Variants in NR2C1 observed in about 807,000 individuals in gnomAD.
The protein encoded by NR2C1 is TR2 nuclear hormone receptor.
A neutral mutation model predicts 74.8 loss-of-function variants in NR2C1; 33 were observed. The ratio of observed to expected loss-of-function variants is 0.44; its 90% CI spans 0.33 to 0.59. NR2C1 has a LOEUF of 0.59. NR2C1 is among the 20% of genes least tolerant of loss of function. The pLI is 0.02. For missense variants in NR2C1, 568 were observed against 715.6 expected, an observed-to-expected ratio of 0.79 and a Z score of 2.35; for synonymous variants, 225 against 240.6, an observed-to-expected ratio of 0.94 and a Z score of 0.60.
intron 8 of NR2C1, among the ~76,000 whole-genome samples, chr12:95,049,911 C>T (rs1872754986): frequency 6.6e-6 from 1 of 152,102 alleles, no homozygotes; most frequent in Non-Finnish European, 1.5e-5. Context: ...GCGATCCTCC[C>T]ACCTCAACCT....
At chr12:95,028,619 T>G (rs57571944) in intron 11 of NR2C1, 95 bp from the exon 12 acceptor site, 75,175 of 937,740 alleles carry the variant, frequency 0.08, 4,497 homozygotes, top group African/African-American at 0.26. Context: ...TTTGAAAAAT[T>G]TTTTAATTCT....
rs958440736 is a variant in NR2C1, at chr12:95,021,951, A to G, written c.*278T>C. On this transcript the variant is annotated 3_prime_UTR_variant, in exon 14 of 14. Coordinates refer to ENST00000333003, the MANE Select transcript of NR2C1 (RefSeq NM_003297.4). ...AAAATAGAATGAGCGCTTAGTTTAG[A>G]TAATCAAGAGGTGACAGCTTCAGGT... 11 of 240,098 alleles carry G rather than the reference A, an allele frequency of 4.6e-5. No individual in the cohort carries two copies. Among genetic ancestry groups the G allele is most frequent in the Non-Finnish European group, 8.7e-5 (11 of 126,474 alleles). 14.9% of individuals were successfully genotyped at this position (240,098 alleles called of 1,614,324 possible).
chr12:95,051,997 A>G (rs1269836750), intron 7 of NR2C1, 54 bp from the exon 8 acceptor site: 1 of 1,167,678 alleles, frequency 8.6e-7, no homozygotes, highest in African/African-American at 1.5e-5. Context: ...ATTTTTTTCA[A>G]TCTGAAATAT....
At chr12:95,062,794 C>T in intron 2 of NR2C1, 56 bp from the exon 3 acceptor site, 1 of 1,316,092 alleles carries the variant, frequency 7.6e-7, no homozygotes, top group Admixed American at 1.7e-5. Flanking sequence ...TTTAATGACA[C>T]AATTATCTTC....
chr12:95,047,958 G>A (rs1473817248), intron 9 of NR2C1, among the ~76,000 whole-genome samples: 1 of 151,946 alleles, frequency 6.6e-6, no homozygotes, highest in Non-Finnish European at 1.5e-5. Context: ...TAAAAGTAAT[G>A]GCAAAACCCA....
intron 2 of NR2C1, among the ~76,000 whole-genome samples, chr12:95,064,488 TTTAC>T (rs1161308614): frequency 1.3e-5 from 2 of 152,096 alleles, no homozygotes; most frequent in Non-Finnish European, 2.9e-5. Flanking sequence ...TAAATTGGGA[TTTAC>T]TTACTTATTT....
At chr12:95,054,667 T>C (rs982998268) in intron 7 of NR2C1, among the ~76,000 whole-genome samples, 36 of 152,348 alleles carry the variant, frequency 2.4e-4, no homozygotes, top group African/African-American at 8.4e-4. Flanking sequence ...GTACATTAGT[T>C]ACAATTTTAA....
intron 7 of NR2C1, among the ~76,000 whole-genome samples, chr12:95,054,539 AG>A (rs749734986): frequency 7.2e-5 from 11 of 152,054 alleles, no homozygotes; most frequent in Non-Finnish European, 1.5e-4. Flanking sequence ...CCTAGCCTCA[AG>A]GAACTCTTCA....
intron 5 of NR2C1, 30 bp from the exon 6 acceptor site, chr12:95,057,908 C>A (rs1258714131): frequency 2.5e-6 from 4 of 1,580,340 alleles, no homozygotes; most frequent in Non-Finnish European, 2.6e-6. Context: ...TATTATATCA[C>A]AATATAGGAT....
intron 9 of NR2C1, among the ~76,000 whole-genome samples, chr12:95,042,291 A>G (rs1182476525): frequency 7.1e-6 from 1 of 141,118 alleles, no homozygotes; most frequent in Non-Finnish European, 1.5e-5. Flanking sequence ...GCGTGATCTC[A>G]GCTCTCTGCC....
At chr12:95,031,234 T>C (rs1008978782) in intron 11 of NR2C1, 115 bp downstream of exon 11, 25 of 825,780 alleles carry the variant, frequency 3.0e-5, no homozygotes, top group Non-Finnish European at 4.0e-5. Flanking sequence ...AAGAAGAGCA[T>C]TGGTACCTAA....
chr12:95,061,684 T>G (rs1358716696), intron 3 of NR2C1, among the ~76,000 whole-genome samples: 1 of 152,226 alleles, frequency 6.6e-6, no homozygotes, highest in Non-Finnish European at 1.5e-5. Context: ...AGGAATTTTC[T>G]TTCGTGAGTT....
chr12:95,029,177 G>A (rs1266137692), intron 11 of NR2C1, among the ~76,000 whole-genome samples: 3 of 152,118 alleles, frequency 2.0e-5, no homozygotes, highest in South Asian at 2.1e-4. Flanking sequence ...TGCCTCCTGG[G>A]TTCAAGCAAT....
chr12:95,026,551 AC>A (rs1338366481), intron 12 of NR2C1, among the ~76,000 whole-genome samples: 1 of 152,228 alleles, frequency 6.6e-6, no homozygotes, highest in Non-Finnish European at 1.5e-5. Flanking sequence ...AAATAAAATT[AC>A]ATTAGAATTT....
At chr12:95,055,937 A>C (rs905969726) in intron 7 of NR2C1, among the ~76,000 whole-genome samples, 1 of 135,678 alleles carries the variant, frequency 7.4e-6, no homozygotes, top group Non-Finnish European at 1.5e-5. Flanking sequence ...GGGGTAACAG[A>C]GCAAGACTCC....
chr12:95,067,002 C>T (rs778338625), intron 2 of NR2C1: 1 of 312,782 alleles, frequency 3.2e-6, no homozygotes, highest in Non-Finnish European at 5.8e-6. Context: ...CCCACCAAAA[C>T]TAGGCTCAGA....
intron 3 of NR2C1, among the ~76,000 whole-genome samples, chr12:95,061,538 C>G (rs1874782698): frequency 6.6e-6 from 1 of 152,152 alleles, no homozygotes; most frequent in Non-Finnish European, 1.5e-5. Flanking sequence ...AAAACAACTT[C>G]TTATAAATCT....
intron 9 of NR2C1, among the ~76,000 whole-genome samples, chr12:95,043,499 C>T (rs1382872613): frequency 1.3e-5 from 2 of 151,734 alleles, no homozygotes; most frequent in Admixed American, 6.6e-5. Context: ...GACCAGCCTG[C>T]CAATGAGGTA....
chr12:95,068,173 C>T (rs1876017029), intron 1 of NR2C1, among the ~76,000 whole-genome samples: 1 of 152,200 alleles, frequency 6.6e-6, no homozygotes, highest in Admixed American at 6.5e-5. Context: ...CCACTGCACC[C>T]GGCCCCAGCC....
Sources: allele counts gnomAD v4.1 joint callset (sites outside exome capture counted in the v4.1 genomes callset), GRCh38; gene constraint gnomAD v4.1.1; transcripts MANE v1.5; gene names NCBI Gene and HGNC (gene_info 2026-07-23, HGNC 2026-07-21).